The following AKAP19 variants were observed in gnomAD, a reference collection of about 807,000 sequenced individuals.
AKAP19 encodes small A-kinase anchoring protein.
chr2:190,038,916 C>CT, the AKAP19 span, among the ~76,000 whole-genome samples: 652 of 133,752 alleles, frequency 4.9e-3, 20 homozygotes, highest in African/African-American at 0.019. Context: ...TCTTCTTCTT[C>CT]TTCTTCTTCT....
the AKAP19 span, among the ~76,000 whole-genome samples, chr2:189,969,658 G>A: frequency 2.0e-5 from 3 of 149,192 alleles, no homozygotes; most frequent in Non-Finnish European, 4.4e-5. Flanking sequence ...GAACCCAGGA[G>A]GCAGAGGTTG....
chr2:189,981,263 C>T, the AKAP19 span, among the ~76,000 whole-genome samples: 1 of 123,750 alleles, frequency 8.1e-6, no homozygotes, highest in Non-Finnish European at 1.7e-5. Context: ...TACATAATAC[C>T]CTTCTTTGTC....
chr2:189,978,048 G>C, the AKAP19 span, among the ~76,000 whole-genome samples: 1 of 152,136 alleles, frequency 6.6e-6, no homozygotes, highest in Non-Finnish European at 1.5e-5. Context: ...CATGTTTAAG[G>C]TGGGCTAGGC....
At chr2:190,133,625 T>A in the AKAP19 span, among the ~76,000 whole-genome samples, 1 of 152,188 alleles carries the variant, frequency 6.6e-6, no homozygotes. Context: ...TCAACCTAAG[T>A]GTTCATCAAC....
At chr2:190,081,794 T>C in the AKAP19 span, among the ~76,000 whole-genome samples, 5 of 152,144 alleles carry the variant, frequency 3.3e-5, no homozygotes, top group African/African-American at 1.2e-4. Context: ...ATCTTGAAGC[T>C]TTATTCTATG....
the AKAP19 span, among the ~76,000 whole-genome samples, chr2:190,187,958 C>T: frequency 6.6e-6 from 1 of 152,154 alleles, no homozygotes; most frequent in Non-Finnish European, 1.5e-5. Context: ...AGTGTCAGGG[C>T]TCATTCTATA....
the AKAP19 span, among the ~76,000 whole-genome samples, chr2:190,048,327 C>G: frequency 6.6e-6 from 1 of 152,164 alleles, no homozygotes; most frequent in Non-Finnish European, 1.5e-5. Flanking sequence ...AAATAATTAT[C>G]TCTTGAAGCC....
chr2:190,121,980 G>A, the AKAP19 span, among the ~76,000 whole-genome samples: 1 of 152,138 alleles, frequency 6.6e-6, no homozygotes, highest in Non-Finnish European at 1.5e-5. Flanking sequence ...GAGTTTTAAT[G>A]CTCTTGAAAA....
chr2:189,910,145 A>AT, the AKAP19 span, among the ~76,000 whole-genome samples: 1 of 151,780 alleles, frequency 6.6e-6, no homozygotes, highest in East Asian at 1.9e-4. Context: ...AAATAAACAA[A>AT]TGTGCAACTA....
the AKAP19 span, among the ~76,000 whole-genome samples, chr2:189,925,454 G>A: frequency 6.6e-6 from 1 of 152,158 alleles, no homozygotes; most frequent in East Asian, 1.9e-4. Flanking sequence ...AAGTGATAGT[G>A]ACATTTATGA....
At chr2:190,185,820 G>A in the AKAP19 span, among the ~76,000 whole-genome samples, 1 of 152,132 alleles carries the variant, frequency 6.6e-6, no homozygotes, top group Admixed American at 6.5e-5. Flanking sequence ...TTATAATCTG[G>A]AGATATAATA....
the AKAP19 span, among the ~76,000 whole-genome samples, chr2:190,099,022 T>A: frequency 6.6e-6 from 1 of 152,238 alleles, no homozygotes; most frequent in Non-Finnish European, 1.5e-5. Flanking sequence ...CTTAAAGGAA[T>A]GTTGTGGCTG....
At chr2:190,187,962 T>C in the AKAP19 span, among the ~76,000 whole-genome samples, 2 of 152,326 alleles carry the variant, frequency 1.3e-5, no homozygotes, top group Non-Finnish European at 2.9e-5. Context: ...TCAGGGCTCA[T>C]TCTATATTTT....
chr2:190,056,385 G>C, the AKAP19 span: 1 of 152,462 alleles, frequency 6.6e-6, no homozygotes, highest in Non-Finnish European at 1.5e-5. Flanking sequence ...AAAAACTGCA[G>C]TGTTGCAAAG....
the AKAP19 span, among the ~76,000 whole-genome samples, chr2:189,914,822 G>T: frequency 6.6e-6 from 1 of 152,032 alleles, no homozygotes; most frequent in Non-Finnish European, 1.5e-5. Flanking sequence ...TGAGAAAATT[G>T]AAGCTTAGAG....
chr2:190,196,045 T>C, the AKAP19 span, among the ~76,000 whole-genome samples: 1 of 138,090 alleles, frequency 7.2e-6, no homozygotes, highest in Non-Finnish European at 1.6e-5. Flanking sequence ...AGTCTGATCA[T>C]CTCTGCCTTT....
At chr2:190,077,335 G>A in the AKAP19 span, among the ~76,000 whole-genome samples, 3 of 151,314 alleles carry the variant, frequency 2.0e-5, no homozygotes, top group Admixed American at 6.6e-5. Flanking sequence ...TCAGCCTCCC[G>A]AGTAGTTGGG....
the AKAP19 span, among the ~76,000 whole-genome samples, chr2:190,197,810 A>G: frequency 1.3e-5 from 2 of 152,218 alleles, no homozygotes; most frequent in African/African-American, 4.8e-5. The surrounding 1 kb of genome is among the most constrained non-coding windows in gnomAD (Gnocchi z 4.0). Flanking sequence ...GGTAAGAAAA[A>G]GCTGCTTTTG....
At chr2:189,900,394 C>A in the AKAP19 span, among the ~76,000 whole-genome samples, 651 of 152,156 alleles carry the variant, frequency 4.3e-3, 5 homozygotes, top group African/African-American at 0.015. Context: ...TATTCCCCCC[C>A]AAAATGATAG....
Sources: gnomAD v4.1 joint callset for allele counts (sites outside exome capture counted in the v4.1 genomes callset) on GRCh38, gnomAD v4.1.1 for gene constraint, Gnocchi (gnomAD v3.1) non-coding constraint, MANE v1.5 for transcripts, NCBI Gene and HGNC (gene_info 2026-07-23, HGNC 2026-07-21) for gene names.